Variants in WDR12 observed in about 807,000 individuals in gnomAD.
WDR12 encodes the protein ribosome biogenesis protein WDR12.
WDR12 carries 42 observed loss-of-function variants against 64.3 expected under a neutral mutation model. The observed-to-expected ratio is 0.65, with a 90% CI of 0.51 to 0.84. The LOEUF (loss-of-function observed/expected upper bound fraction) is 0.84, where lower values mean the gene tolerates loss of function less well. Ranked by LOEUF, WDR12 falls within the 40% of genes least tolerant of loss-of-function variation. WDR12 has a pLI of 0.00. For synonymous variants in WDR12, 158 were observed against 173.3 expected (o/e 0.91, Z 0.70); for missense variants, 469 against 494.6 (o/e 0.95, Z 0.49).
chr2:202,878,687 C>A lies in WDR12; in HGVS notation c.*2173G>T, dbSNP rs1474172643. ...AACTGGTTCAATACACTGTTTAGCTCTCAACTGCAGCCAAGTTTAGATATT... is the reference window on the plus strand; with the variant it reads ...AACTGGTTCAATACACTGTTTAGCTATCAACTGCAGCCAAGTTTAGATATT... On this transcript the variant is annotated 3_prime_UTR_variant, in exon 13 of 13. Transcript: ENST00000261015. 6.6e-6 allele frequency: 1 copy of A among 151,906 alleles called. No individual in the cohort carries two copies. Among genetic ancestry groups the A allele is most frequent in the East Asian group, 1.9e-4 (1 of 5,190 alleles). The allele number at this position is 151,906 out of a possible 1,614,324, so 9.4% of individuals were successfully genotyped here. A position where few individuals can be genotyped will look rare whatever the true frequency, so the allele number is the denominator to read the frequency against.
intron 2 of WDR12, among the ~76,000 whole-genome samples, chr2:202,903,057 C>T (rs984287195): frequency 1.3e-5 from 2 of 151,854 alleles, no homozygotes; most frequent in Admixed American, 6.6e-5. Flanking sequence ...CCAGCCTGGG[C>T]GACAGAGCAA....
chr2:202,895,880 G>A (rs1188832595), intron 6 of WDR12, 185 bp downstream of exon 6: 9 of 618,064 alleles, frequency 1.5e-5, no homozygotes, highest in South Asian at 4.9e-5. Context: ...TCTAAACCAG[G>A]GATTCAAACT....
At position 202,897,335 on chromosome 2, in the gene WDR12, G is replaced by T; in HGVS notation, c.419C>A (p.Thr140Lys). The T allele has an allele frequency of 3.1e-6, 5 of 1,597,080 alleles. No individual in the cohort carries two copies. Among genetic ancestry groups the T allele is most frequent in the Non-Finnish European group, 3.4e-6 (4 of 1,173,186 alleles). Residue 140 changes from threonine to lysine, a missense_variant, in exon 5 of 13, where the codon ACG becomes AAG. Physicochemically the swap from Thr to Lys is moderately conservative, Grantham distance 78. Transcript: ENST00000261015. ...CCAGGCCACATCTTTTACAACATCCGTATGTCCCACAATTGTCATTATTGA... is the reference window on the plus strand; with the variant it reads ...CCAGGCCACATCTTTTACAACATCCTTATGTCCCACAATTGTCATTATTGA... ...GKSIMTIVGHTDVVKDVAWVK... is the reference protein window; with the variant it reads ...GKSIMTIVGHKDVVKDVAWVK...
In WDR12 at chr2:202,896,139, C is replaced by T. The variant is rs1688237893; in HGVS notation, c.535G>A (p.Val179Met). ...CCTCTACAGCAGTGTAGGGCTTTCA[C>T]TTTGTTTCTCTCTACATTCCACTCC... ...LWEWNVERNK[V>M]KALHCCRGHA... Residue 179 changes from valine (V) to methionine (M), a missense_variant, in exon 6 of 13, where the codon GTG becomes ATG. Val to Met is a conservative substitution (Grantham distance 21, BLOSUM62 1). Coordinates refer to ENST00000261015, the MANE Select transcript of WDR12 (RefSeq NM_018256.4). 4 of 1,614,138 alleles carry T rather than the reference C, an allele frequency of 2.5e-6. No homozygotes were observed. Among genetic ancestry groups the T allele is most frequent in the African/African-American group, 2.7e-5 (2 of 75,056 alleles).
intron 2 of WDR12, among the ~76,000 whole-genome samples, chr2:202,903,456 G>A (rs942836425): frequency 9.7e-4 from 26 of 26,702 alleles, no homozygotes; most frequent in African/African-American, 2.1e-3. Flanking sequence ...TGGAAGGAAG[G>A]AAGGAAGGAA....
rs1687934038 is a variant in WDR12, at chr2:202,880,742, T to C, written c.*118A>G. 2 of 734,854 alleles carry C rather than the reference T, an allele frequency of 2.7e-6. No homozygotes were observed. Among genetic ancestry groups the C allele is most frequent in the Non-Finnish European group, 4.2e-6 (2 of 472,682 alleles). The allele number at this position is 734,854 out of a possible 1,614,324, so 45.5% of individuals were successfully genotyped here. A position where few individuals can be genotyped will look rare whatever the true frequency, so the allele number is the denominator to read the frequency against. ...GTGATACGTTAGCTGTTATGAAGGG[T>C]GAAAACATTATATAAACTTCAAAAG... On this transcript the variant is annotated 3_prime_UTR_variant, in exon 13 of 13. Transcript: ENST00000261015.
intron 5 of WDR12, 53 bp from the exon 6 acceptor site, chr2:202,896,272 TA>T (rs1291510801): frequency 2.6e-6 from 4 of 1,542,896 alleles, no homozygotes; most frequent in Non-Finnish European, 3.5e-6. Flanking sequence ...CCATTTAGAA[TA>T]CATCATGTTC....
At chr2:202,891,753 T>C (rs1451588073) in intron 8 of WDR12, among the ~76,000 whole-genome samples, 1 of 152,252 alleles carries the variant, frequency 6.6e-6, no homozygotes, top group Non-Finnish European at 1.5e-5. Flanking sequence ...AAAAGTGTTT[T>C]TCTAAACCTG....
chr2:202,880,612 G>A lies in WDR12; in HGVS notation c.*248C>T. On this transcript the variant is annotated 3_prime_UTR_variant, in exon 13 of 13. Coordinates refer to ENST00000261015, the MANE Select transcript of WDR12 (RefSeq NM_018256.4). ...GAATTCAAACCAATACCTTTAAAGAGAAATGTAAAACTCAGTTTAATTTCA... is the reference window on the plus strand; with the variant it reads ...GAATTCAAACCAATACCTTTAAAGAAAAATGTAAAACTCAGTTTAATTTCA... 1 of 229,616 alleles carries A rather than the reference G, an allele frequency of 4.4e-6. No individual in the cohort carries two copies. The highest frequency in any genetic ancestry group is 8.4e-6 in the Non-Finnish European group (1 of 118,600). 14.2% of individuals were successfully genotyped at this position (229,616 alleles called of 1,614,324 possible).
At position 202,897,432 on chromosome 2, in the gene WDR12, T is replaced by C. The variant is rs754454580; in HGVS notation, c.339-17A>G. On this transcript the variant is annotated splice_polypyrimidine_tract_variant and intron_variant, in intron 4 of 12. Transcript: ENST00000261015. Reference sequence around the variant, plus strand: ...GTCAAGATCCTATGAGAAAAAAAAATCTTATGAAACACAAAAAGCAGTTTT... The same window carrying C: ...GTCAAGATCCTATGAGAAAAAAAAACCTTATGAAACACAAAAAGCAGTTTT... The C allele has an allele frequency of 2.1e-6, 3 of 1,441,584 alleles. No individual in the cohort carries two copies. Among genetic ancestry groups the C allele is most frequent in the Non-Finnish European group, 9.4e-7 (1 of 1,068,910 alleles). The allele number at this position is 1,441,584 out of a possible 1,614,324, so 89.3% of individuals were successfully genotyped here. A position where few individuals can be genotyped will look rare whatever the true frequency, so the allele number is the denominator to read the frequency against.
intron 7 of WDR12, among the ~76,000 whole-genome samples, chr2:202,893,303 G>C (rs920415953): frequency 7.2e-5 from 11 of 151,886 alleles, no homozygotes; most frequent in African/African-American, 2.7e-4. Flanking sequence ...CATTAAATAT[G>C]TAACAAAATA....
At chr2:202,891,039 T>C (rs1352924672) in intron 8 of WDR12, among the ~76,000 whole-genome samples, 1 of 150,740 alleles carries the variant, frequency 6.6e-6, no homozygotes, top group South Asian at 2.1e-4. Flanking sequence ...AGCTACCTTC[T>C]CAGTAAAACA....
chr2:202,896,350 C>T, intron 5 of WDR12, 131 bp from the exon 6 acceptor site: 2 of 1,031,904 alleles, frequency 1.9e-6, no homozygotes, highest in South Asian at 3.6e-5. Context: ...CTCATATGGC[C>T]AGGTTTTAAA....
intron 9 of WDR12, 32 bp from the exon 10 acceptor site, chr2:202,884,335 G>A (rs779306453): frequency 6.2e-7 from 1 of 1,613,356 alleles, no homozygotes. Flanking sequence ...CATTAACCAT[G>A]GTAGACTAAA....
At chr2:202,891,008 A>AG (rs1688147545) in intron 8 of WDR12, among the ~76,000 whole-genome samples, 1 of 150,430 alleles carries the variant, frequency 6.6e-6, no homozygotes, top group Non-Finnish European at 1.5e-5. Context: ...AAAAAAAAAA[A>AG]AAAAAAAAAG....
At chr2:202,903,576 A>G (rs1374933680) in intron 2 of WDR12, among the ~76,000 whole-genome samples, 1 of 152,162 alleles carries the variant, frequency 6.6e-6, no homozygotes, top group African/African-American at 2.4e-5. Flanking sequence ...CCTTGTTTGC[A>G]GATGATTTGA....
chr2:202,904,855 A>G (rs1045038633), intron 2 of WDR12, among the ~76,000 whole-genome samples: 1 of 152,224 alleles, frequency 6.6e-6, no homozygotes, highest in Admixed American at 6.5e-5. Flanking sequence ...AGCACAGCAA[A>G]GGAAACAATT....
chr2:202,897,314 GC>G lies in WDR12; in HGVS notation c.439del (p.Ala147ProfsTer3). On this transcript the variant is annotated frameshift_variant, in exon 5 of 13. Transcript: ENST00000261015. LOFTEE classifies it high-confidence loss of function. ...ACTGTCCTAACCTTTTTTCACCCAG[GC>G]CACATCTTTTACAACATCCGTATGT... ...VGHTDVVKDV[A>X]WVKKDSLSCL... 6.3e-7 allele frequency: 1 copy of G among 1,593,268 alleles called. No homozygotes were observed. Among genetic ancestry groups the G allele is most frequent in the Non-Finnish European group, 8.5e-7 (1 of 1,171,834 alleles).
Position 202,876,028 on chromosome 2 carries a change from A to C in WDR12, c.*4832T>G, listed in dbSNP as rs535443901. 2.4e-4 allele frequency: 36 copies of C among 152,294 alleles called. No homozygotes were observed. The highest frequency in any genetic ancestry group is 8.2e-4 in the African/African-American group (34 of 41,556). 9.4% of individuals were successfully genotyped at this position (152,294 alleles called of 1,614,324 possible). A position where few individuals can be genotyped will look rare whatever the true frequency, so the allele number is the denominator to read the frequency against. On this transcript the variant is annotated 3_prime_UTR_variant, in exon 13 of 13. Coordinates refer to ENST00000261015, the MANE Select transcript of WDR12 (RefSeq NM_018256.4). ...AAATCATTGGAACTGCTATTAGAAC[A>C]ACCATTAGGTTTAATTCTGTAAAAC...
Sources: gnomAD v4.1 joint callset for allele counts (sites outside exome capture counted in the v4.1 genomes callset) on GRCh38, gnomAD v4.1.1 for gene constraint, MANE v1.5 for transcripts, NCBI Gene and HGNC (gene_info 2026-07-23, HGNC 2026-07-21) for gene names.